VAC14: variants seen among roughly 807,000 people sequenced by gnomAD.
The protein encoded by VAC14 is protein VAC14 homolog.
A neutral mutation model predicts 85.3 loss-of-function variants in VAC14; 47 were observed. The ratio of observed to expected loss-of-function variants is 0.55; its 90% confidence interval spans 0.44 to 0.70. VAC14 has a LOEUF of 0.70. Ranked by LOEUF, VAC14 falls within the 30% of genes least tolerant of loss-of-function variation. The probability of loss-of-function intolerance (pLI) is 0.00; values close to 1 mark genes in which losing one functional copy is unlikely to be tolerated. For missense variants in VAC14, 861 were observed against 1,004.3 expected, an observed-to-expected ratio of 0.86 and a Z score of 1.93; for synonymous variants, 447 against 430.5, an observed-to-expected ratio of 1.04 and a Z score of -0.47.
intron 14 of VAC14, among the ~76,000 whole-genome samples, chr16:70,725,949 G>A (rs1489621461): frequency 6.6e-6 from 1 of 152,278 alleles, no homozygotes; most frequent in Non-Finnish European, 1.5e-5. Flanking sequence ...CAAGGCGGCA[G>A]GGAGGAAGAG....
chr16:70,729,613 T>G (rs1395466183), intron 14 of VAC14, among the ~76,000 whole-genome samples: 1 of 151,966 alleles, frequency 6.6e-6, no homozygotes, highest in African/African-American at 2.4e-5. Flanking sequence ...GCTTGGCCGC[T>G]TCCTTTACCT....
At chr16:70,706,766 A>G (rs2053927946) in intron 14 of VAC14, among the ~76,000 whole-genome samples, 1 of 152,182 alleles carries the variant, frequency 6.6e-6, no homozygotes, top group Non-Finnish European at 1.5e-5. Context: ...TGCTGGGATT[A>G]CAGGTGTGAA....
chr16:70,748,602 G>A (rs2031112803), intron 12 of VAC14, among the ~76,000 whole-genome samples: 1 of 152,224 alleles, frequency 6.6e-6, no homozygotes, highest in South Asian at 2.1e-4. Context: ...AGAGGTGAGG[G>A]TATGGCCAGA....
intron 13 of VAC14, among the ~76,000 whole-genome samples, chr16:70,735,513 G>C (rs1009369352): frequency 3.3e-5 from 5 of 152,344 alleles, no homozygotes; most frequent in African/African-American, 1.2e-4. Context: ...CAGGAGCTCC[G>C]TCTTTCTTGC....
intron 13 of VAC14, among the ~76,000 whole-genome samples, chr16:70,739,205 C>G (rs898962441): frequency 3.9e-5 from 6 of 152,206 alleles, no homozygotes; most frequent in Admixed American, 6.5e-5. Flanking sequence ...TGTCCGAGGT[C>G]ACGGGATGGA....
chr16:70,752,505 C>T (rs1322708640), intron 12 of VAC14, among the ~76,000 whole-genome samples: 1 of 152,232 alleles, frequency 6.6e-6, no homozygotes, highest in Non-Finnish European at 1.5e-5. Flanking sequence ...AAATTCTCTC[C>T]ATGAGCTGGG....
chr16:70,739,913 A>C (rs2143008424), intron 13 of VAC14, among the ~76,000 whole-genome samples: 1 of 152,248 alleles, frequency 6.6e-6, no homozygotes, highest in Admixed American at 6.5e-5. Context: ...AGGGATAAAA[A>C]CACCTTGGAC....
intron 12 of VAC14, among the ~76,000 whole-genome samples, chr16:70,744,850 C>T (rs971815962): frequency 5.3e-5 from 8 of 152,218 alleles, no homozygotes; most frequent in Admixed American, 3.9e-4. Flanking sequence ...AGCTTCCCCA[C>T]GATCCCTCTC....
chr16:70,726,948 C>T (rs558316913), intron 14 of VAC14, among the ~76,000 whole-genome samples: 1 of 152,342 alleles, frequency 6.6e-6, no homozygotes, highest in Admixed American at 6.5e-5. Flanking sequence ...CCCCCACTGA[C>T]TCCGACATGG....
chr16:70,773,370 C>T (rs564451356), intron 9 of VAC14: 1 of 152,372 alleles, frequency 6.6e-6, no homozygotes, highest in Admixed American at 6.5e-5. Context: ...AGAAAAGCAT[C>T]TACCTGGCAT....
intron 3 of VAC14, among the ~76,000 whole-genome samples, 193 bp downstream of exon 3, chr16:70,785,507 TAA>T (rs1472153269): frequency 6.6e-6 from 1 of 152,106 alleles, no homozygotes; most frequent in African/African-American, 2.4e-5. Context: ...CAAAATGAAT[TAA>T]AAGAGAAATG....
At chr16:70,720,365 C>T (rs908320442) in intron 14 of VAC14, among the ~76,000 whole-genome samples, 1 of 152,208 alleles carries the variant, frequency 6.6e-6, no homozygotes, top group African/African-American at 2.4e-5. Context: ...ATCCAGGCAT[C>T]GAGCCTGGAG....
chr16:70,741,684 C>G (rs2030326604), intron 13 of VAC14, among the ~76,000 whole-genome samples: 1 of 152,214 alleles, frequency 6.6e-6, no homozygotes, highest in East Asian at 1.9e-4. Flanking sequence ...GGTGTTCTTT[C>G]CAGGATGGAG....
intron 13 of VAC14, among the ~76,000 whole-genome samples, chr16:70,742,190 G>A (rs1428932950): frequency 6.6e-6 from 1 of 152,212 alleles, no homozygotes; most frequent in Admixed American, 6.5e-5. Flanking sequence ...TTGAGGAGGA[G>A]AGAAGAGGCT....
At position 70,783,062 on chromosome 16, in the gene VAC14, T is replaced by C. The variant is rs1026658149; in HGVS notation, c.782A>G (p.Asn261Ser). Reference protein sequence around the residue: ...PSSVKFAEMANILVIHCQTTD... With the variant: ...PSSVKFAEMASILVIHCQTTD... ...TGTCTGGCAGTGGATCACCAGGATG[T>C]TGGCCATCTCAGCAAACTTCACACT... The change falls in exon 7 of 19, where the codon AAC becomes AGC. Residue 261 changes from asparagine to serine, a missense_variant. Physicochemically the swap from Asn to Ser is conservative, Grantham distance 46 (BLOSUM62 1). This residue lies in a region of VAC14 where 629 missense variants were observed against 703.1 expected (regional missense o/e 0.89). Coordinates refer to ENST00000261776, the MANE Select transcript of VAC14 (RefSeq NM_018052.5). 12 of 1,614,084 alleles carry C rather than the reference T, an allele frequency of 7.4e-6. No homozygotes were observed. The highest frequency in any genetic ancestry group is 1.3e-5 in the African/African-American group (1 of 74,942).
chr16:70,768,497 A>G (rs1161271143), intron 10 of VAC14: 3 of 250,378 alleles, frequency 1.2e-5, no homozygotes, highest in Middle Eastern at 3.1e-3. Context: ...TCCACCTCCC[A>G]TGTATTTCCC....
intron 18 of VAC14, among the ~76,000 whole-genome samples, chr16:70,692,425 A>C (rs963775885): frequency 5.9e-5 from 9 of 152,202 alleles, no homozygotes; most frequent in East Asian, 5.8e-4. Context: ...CCCAGCACAG[A>C]CAGCCACTGG....
intron 14 of VAC14, among the ~76,000 whole-genome samples, chr16:70,702,003 G>A (rs1330410718): frequency 6.6e-6 from 1 of 152,164 alleles, no homozygotes; most frequent in African/African-American, 2.4e-5. Flanking sequence ...CTGAAATGCA[G>A]GCCCCTCCTA....
At position 70,722,733 on chromosome 16, in the gene VAC14, A is replaced by C. The variant is rs1597884501; in HGVS notation, c.1661+8762T>G. The stretch of plus-strand genomic sequence containing the variant: ...CAGGCAGGGCCCAAGGAGGCAGAGG[A>C]TGGAAAATGGCTTCTAGGGGCCAGT... On this transcript the variant is annotated intron_variant, in intron 14 of 18. Coordinates refer to ENST00000261776, the MANE Select transcript of VAC14 (RefSeq NM_018052.5). Among the ~76,000 whole-genome samples, 3 of 152,306 alleles carry C rather than the reference A, an allele frequency of 2.0e-5. No homozygotes were observed. In the South Asian group the frequency reaches 6.2e-4, roughly 32 times the overall value.
Sources: allele counts gnomAD v4.1 joint callset (sites outside exome capture counted in the v4.1 genomes callset), GRCh38; gene constraint gnomAD v4.1.1; regional missense constraint gnomAD v4.1.1; transcripts MANE v1.5; gene names NCBI Gene and HGNC (gene_info 2026-07-23, HGNC 2026-07-21).